Variants in FBXO16 observed in about 807,000 individuals in gnomAD.
The protein encoded by FBXO16 is F-box only protein 16.
FBXO16 carries 31 observed loss-of-function variants against 41.0 expected under a neutral mutation model. That is an observed-to-expected ratio of 0.76 (90% confidence interval 0.57 to 1.02). The LOEUF is 1.02. Ranked by LOEUF, FBXO16 falls within the 50% of genes least tolerant of loss-of-function variation. FBXO16 has a pLI of 0.00. For missense variants in FBXO16, 361 were observed against 346.2 expected (o/e 1.04, Z -0.34); for synonymous variants, 133 against 117.8 (o/e 1.13, Z -0.84).
intron 7 of FBXO16, among the ~76,000 whole-genome samples, chr8:28,430,513 G>T (rs1369239662): frequency 2.0e-5 from 3 of 152,156 alleles, no homozygotes; most frequent in African/African-American, 4.8e-5. Context: ...AGGAAAAGGG[G>T]TAAGAGATGG....
chr8:28,475,444 G>A (rs1803408565), intron 2 of FBXO16, among the ~76,000 whole-genome samples: 1 of 152,120 alleles, frequency 6.6e-6, no homozygotes. Context: ...CTCAAATAAT[G>A]GCAACAGATA....
chr8:28,429,523 A>G (rs1246672071), intron 7 of FBXO16, 120 bp from the exon 8 acceptor site: 6 of 1,149,850 alleles, frequency 5.2e-6, no homozygotes, highest in African/African-American at 4.6e-5. Context: ...CTTGGTTCCA[A>G]CTGTGCAAGG....
chr8:28,453,901 C>T (rs1050450415), intron 5 of FBXO16, among the ~76,000 whole-genome samples: 8 of 151,956 alleles, frequency 5.3e-5, no homozygotes, highest in African/African-American at 7.3e-5. Flanking sequence ...TGGTGGCTCA[C>T]GCCTATAATC....
chr8:28,430,394 C>T (rs1483350585), intron 7 of FBXO16, among the ~76,000 whole-genome samples: 1 of 152,174 alleles, frequency 6.6e-6, no homozygotes, highest in Admixed American at 6.5e-5. Context: ...GCTTACACTT[C>T]ATTGAATCGA....
At chr8:28,456,504 G>A (rs767351796) in intron 5 of FBXO16, among the ~76,000 whole-genome samples, 2 of 152,120 alleles carry the variant, frequency 1.3e-5, no homozygotes, top group African/African-American at 2.4e-5. Context: ...CAGAAACCAG[G>A]GACCTAGACA....
At chr8:28,488,924 C>T (rs904611179) in intron 1 of FBXO16, among the ~76,000 whole-genome samples, 7 of 152,174 alleles carry the variant, frequency 4.6e-5, no homozygotes, top group Non-Finnish European at 8.8e-5. Context: ...ACTCTGAGAA[C>T]GTGCCACACA....
intron 6 of FBXO16, among the ~76,000 whole-genome samples, chr8:28,450,213 T>C (rs1392981485): frequency 5.3e-5 from 8 of 152,048 alleles, no homozygotes. Context: ...GACTATTCAG[T>C]GGGGCAAAGG....
intron 6 of FBXO16, among the ~76,000 whole-genome samples, chr8:28,451,189 C>G (rs1441123020): frequency 6.6e-6 from 1 of 152,174 alleles, no homozygotes; most frequent in Non-Finnish European, 1.5e-5. Flanking sequence ...GGCTGTTTCA[C>G]ATATTCTGCA....
intron 7 of FBXO16, among the ~76,000 whole-genome samples, chr8:28,438,759 C>A (rs893288313): frequency 6.6e-6 from 1 of 152,072 alleles, no homozygotes; most frequent in African/African-American, 2.4e-5. Flanking sequence ...AATAGTGGTA[C>A]GATGGGCATT....
At chr8:28,468,804 C>T (rs1424344969) in intron 3 of FBXO16, among the ~76,000 whole-genome samples, 5 of 151,104 alleles carry the variant, frequency 3.3e-5, no homozygotes, top group East Asian at 3.9e-4. Flanking sequence ...GCTGAGATCA[C>T]GCCACTGCAC....
chr8:28,472,948 T>C (rs971693517), intron 3 of FBXO16, among the ~76,000 whole-genome samples: 1 of 152,102 alleles, frequency 6.6e-6, no homozygotes, highest in African/African-American at 2.4e-5. Flanking sequence ...CCAGTTTTTT[T>C]CCCATACACC....
intron 1 of FBXO16, among the ~76,000 whole-genome samples, chr8:28,487,971 G>A (rs534894700): frequency 6.6e-6 from 1 of 151,706 alleles, no homozygotes; most frequent in Non-Finnish European, 1.5e-5. Flanking sequence ...TCCTGCCTCA[G>A]CCTCCCAAGT....
intron 2 of FBXO16, among the ~76,000 whole-genome samples, chr8:28,480,542 G>A (rs1373065815): frequency 6.7e-6 from 1 of 149,950 alleles, no homozygotes; most frequent in Non-Finnish European, 1.5e-5. Flanking sequence ...TCACTCTGTT[G>A]CCCAGGCACT....
chr8:28,449,492 T>C (rs1169136188), intron 6 of FBXO16, among the ~76,000 whole-genome samples: 4 of 151,942 alleles, frequency 2.6e-5, no homozygotes, highest in Admixed American at 2.6e-4. Context: ...TGGCTAATTT[T>C]ATTTTATTTT....
At position 28,463,649 on chromosome 8, in the gene FBXO16, G is replaced by C; in HGVS notation, c.305C>G (p.Ser102Cys). Residue 102 changes from serine (S) to cysteine (C), a missense_variant, in exon 4 of 9, where the codon TCT becomes TGT. By Grantham distance (112) the Ser-to-Cys change is moderately radical (BLOSUM62 -1). Transcript: ENST00000380254. ...LPRVLSLYIF[S>C]FLDPRSLCRC... is the part of the protein sequence containing the mutation. ...ACAAAGGCTCCGAGGGTCCAGGAAA[G>C]AAAAGATGTATAAAGATAACACCCT... 1 of 1,614,140 alleles carries C rather than the reference G, an allele frequency of 6.2e-7. No homozygotes were observed. The highest frequency in any genetic ancestry group is 1.3e-5 in the African/African-American group (1 of 75,038).
At chr8:28,459,750 GGT>G (rs1803095164) in intron 4 of FBXO16, among the ~76,000 whole-genome samples, 2 of 151,778 alleles carry the variant, frequency 1.3e-5, no homozygotes. Context: ...TTTCAGGCCA[GGT>G]GTGGTGGCTC....
chr8:28,464,885 C>T (rs1803208598), intron 3 of FBXO16, among the ~76,000 whole-genome samples: 1 of 152,142 alleles, frequency 6.6e-6, no homozygotes. Context: ...AACTTCTGAC[C>T]TCGTGATCCA....
At chr8:28,483,280 GT>G (rs1803544217) in intron 2 of FBXO16, 67 bp downstream of exon 2, 1 of 1,394,666 alleles carries the variant, frequency 7.2e-7, no homozygotes, top group African/African-American at 1.4e-5. Context: ...ATTTTGGTAA[GT>G]AAAATTTTAA....
At chr8:28,462,883 T>A (rs2130154073) in intron 4 of FBXO16, among the ~76,000 whole-genome samples, 1 of 152,382 alleles carries the variant, frequency 6.6e-6, no homozygotes, top group East Asian at 1.9e-4. Flanking sequence ...GCTTTTTTAT[T>A]CATGAATGCC....
Sources: allele counts gnomAD v4.1 joint callset (sites outside exome capture counted in the v4.1 genomes callset), GRCh38; gene constraint gnomAD v4.1.1; transcripts MANE v1.5; gene names NCBI Gene and HGNC (gene_info 2026-07-23, HGNC 2026-07-21).